ZNF407: variants seen among roughly 807,000 people sequenced by gnomAD.
The protein encoded by ZNF407 is zinc finger protein 407.
A neutral mutation model predicts 131.2 loss-of-function variants in ZNF407; 17 were observed. The observed-to-expected ratio is 0.13, with a 90% CI of 0.09 to 0.19. ZNF407 has a LOEUF of 0.19. Ranked by LOEUF, ZNF407 falls within the 10% of genes least tolerant of loss-of-function variation. ZNF407 has a pLI of 1.00. For synonymous variants in ZNF407, 1,156 were observed against 1,062.0 expected (o/e 1.09, Z -1.72); for missense variants, 2,681 against 2,830.6 (o/e 0.95, Z 1.20).
In ZNF407 at chr18:74,692,973, C is replaced by T. The variant is rs191386644; in HGVS notation, c.4802+51851C>T. 6.2e-3 allele frequency among the ~76,000 whole-genome samples: 942 copies of T among 152,318 alleles called. 3 individuals carry two copies. The highest frequency in any genetic ancestry group is 0.011 in the Non-Finnish European group (730 of 68,034). ...TCCCAGAGGTGGATTATCTCAGTTT[C>T]CCCACATGCCCCAGTCTTTCTCATC... On this transcript the variant is annotated intron_variant, in intron 3 of 8. Transcript: ENST00000299687.
intron 8 of ZNF407, among the ~76,000 whole-genome samples, chr18:75,031,548 A>T (rs1452847674): frequency 6.6e-6 from 1 of 152,242 alleles, no homozygotes; most frequent in Non-Finnish European, 1.5e-5. Context: ...ACTGTGACTC[A>T]TGAAACTGCT....
chr18:74,605,794 T>C (rs8087360), intron 1 of ZNF407, among the ~76,000 whole-genome samples: 18,145 of 152,204 alleles, frequency 0.12, 1,205 homozygotes, highest in Non-Finnish European at 0.14. Flanking sequence ...GGGACACACA[T>C]TGGTATACTA....
intron 3 of ZNF407, among the ~76,000 whole-genome samples, chr18:74,749,739 A>T (rs76474480): frequency 6.6e-6 from 1 of 152,188 alleles, no homozygotes; most frequent in South Asian, 2.1e-4. Flanking sequence ...ACATTTTAGT[A>T]TACTGTTATT....
chr18:74,975,272 C>T (rs1285146302), intron 8 of ZNF407, among the ~76,000 whole-genome samples: 1 of 152,182 alleles, frequency 6.6e-6, no homozygotes, highest in Non-Finnish European at 1.5e-5. Flanking sequence ...GCTCCTTGCT[C>T]CAGAAAACCT....
At chr18:74,627,219 C>T (rs9955501) in intron 1 of ZNF407, among the ~76,000 whole-genome samples, 9,294 of 152,112 alleles carry the variant, frequency 0.061, 340 homozygotes, top group East Asian at 0.12. Flanking sequence ...GAAGCAGCTG[C>T]CCTGGGTTGG....
intron 3 of ZNF407, among the ~76,000 whole-genome samples, chr18:74,671,715 T>C (rs1986148019): frequency 6.6e-6 from 1 of 152,210 alleles, no homozygotes; most frequent in Admixed American, 6.5e-5. Flanking sequence ...TTTTTATTGC[T>C]GCATAGTATG....
At chr18:74,701,298 T>C (rs149966121) in intron 3 of ZNF407, among the ~76,000 whole-genome samples, 3 of 152,352 alleles carry the variant, frequency 2.0e-5, no homozygotes, top group African/African-American at 7.2e-5. Context: ...AAAACTAGCT[T>C]GCCCCTTGGA....
At chr18:74,676,529 C>CG (rs1284911413) in intron 3 of ZNF407, among the ~76,000 whole-genome samples, 2 of 151,644 alleles carry the variant, frequency 1.3e-5, no homozygotes, top group Middle Eastern at 3.4e-3. Context: ...CTCCGCCTCC[C>CG]GGGTTCACGC....
intron 8 of ZNF407, among the ~76,000 whole-genome samples, chr18:75,049,459 C>T (rs1316527084): frequency 1.3e-5 from 2 of 152,162 alleles, no homozygotes; most frequent in Non-Finnish European, 2.9e-5. Flanking sequence ...AACTTCTGCT[C>T]CCTGCTTTGG....
In ZNF407 at chr18:74,631,336, T is replaced by A. The variant is rs200523805; in HGVS notation, c.317T>A (p.Ile106Asn). The A allele has an allele frequency of 4.2e-4, 676 of 1,614,000 alleles. No individual in the cohort carries two copies. In the African/African-American group the frequency reaches 5.1e-3, roughly 12 times the overall value. ...TSESSVTEGG[I>N]ALDETGKETF... ...GAGAGCTCAGTCACAGAAGGGGGTA[T>A]TGCATTAGATGAAACAGGGAAGGAG... Residue 106 changes from isoleucine (I) to asparagine (N), a missense_variant, in exon 2 of 9, where the codon ATT becomes AAT. By Grantham distance (149) the Ile-to-Asn change is moderately radical. Around this residue, in one of 6 missense-constraint regions of ZNF407, gnomAD observed 1,789 missense variants for 1,748.7 expected, o/e 1.02. Coordinates refer to ENST00000299687, the MANE Select transcript of ZNF407 (RefSeq NM_017757.3).
At chr18:74,946,024 C>T (rs1305278365) in intron 8 of ZNF407, among the ~76,000 whole-genome samples, 2 of 152,166 alleles carry the variant, frequency 1.3e-5, no homozygotes, top group Non-Finnish European at 2.9e-5. Flanking sequence ...AGCACCGTCA[C>T]CCCCAAAGTA....
At chr18:74,916,574 C>T (rs865778841) in intron 7 of ZNF407, among the ~76,000 whole-genome samples, 215 of 41,048 alleles carry the variant, frequency 5.2e-3, no homozygotes, top group Admixed American at 6.1e-3. Flanking sequence ...TGTGTGTGTG[C>T]ATGCATGTGT....
intron 4 of ZNF407, among the ~76,000 whole-genome samples, chr18:74,831,162 A>G: frequency 6.6e-6 from 1 of 151,986 alleles, no homozygotes; most frequent in East Asian, 1.9e-4. Flanking sequence ...TGTTTTCCTT[A>G]TCCGTTCTTC....
At chr18:74,807,869 GT>G (rs1970135597) in intron 4 of ZNF407, among the ~76,000 whole-genome samples, 1 of 152,010 alleles carries the variant, frequency 6.6e-6, no homozygotes, top group Non-Finnish European at 1.5e-5. Context: ...TTGATGTAAG[GT>G]TTTTTTAATT....
chr18:74,867,321 G>A (rs922571704), intron 4 of ZNF407, among the ~76,000 whole-genome samples: 6 of 152,146 alleles, frequency 3.9e-5, no homozygotes, highest in African/African-American at 7.2e-5. Flanking sequence ...GACCTGGCAC[G>A]AATTGCTGGC....
chr18:74,663,547 C>T (rs916875058), intron 3 of ZNF407, among the ~76,000 whole-genome samples: 1 of 152,154 alleles, frequency 6.6e-6, no homozygotes, highest in African/African-American at 2.4e-5. Flanking sequence ...CCCGGCTCGA[C>T]ACCACATATT....
At chr18:74,684,525 T>G (rs959003642) in intron 3 of ZNF407, among the ~76,000 whole-genome samples, 2 of 152,232 alleles carry the variant, frequency 1.3e-5, no homozygotes, top group African/African-American at 2.4e-5. Context: ...CGTTCAGTTA[T>G]AAGCACAATT....
intron 4 of ZNF407, among the ~76,000 whole-genome samples, chr18:74,850,381 G>A (rs1970765058): frequency 6.6e-6 from 1 of 151,942 alleles, no homozygotes; most frequent in Non-Finnish European, 1.5e-5. Context: ...TTAGTATATA[G>A]CTCTTAATTG....
intron 4 of ZNF407, among the ~76,000 whole-genome samples, chr18:74,834,277 A>G (rs1181779730): frequency 6.6e-6 from 1 of 152,216 alleles, no homozygotes; most frequent in East Asian, 1.9e-4. Context: ...TGTTCAGTTT[A>G]GGGGAAAAAA....
Sources: allele counts gnomAD v4.1 joint callset (sites outside exome capture counted in the v4.1 genomes callset), GRCh38; gene constraint gnomAD v4.1.1; regional missense constraint gnomAD v4.1.1; transcripts MANE v1.5; gene names NCBI Gene and HGNC (gene_info 2026-07-23, HGNC 2026-07-21).